The following INPP4B variants were observed in gnomAD, a reference collection of about 807,000 sequenced individuals.
INPP4B encodes inositol polyphosphate-4-phosphatase type II B.
In INPP4B, 55 loss-of-function variants were observed where a neutral mutation model predicts 122.5. The ratio of observed to expected loss-of-function variants is 0.45; its 90% CI spans 0.36 to 0.56. The LOEUF (loss-of-function observed/expected upper bound fraction) is 0.56, where lower values mean the gene tolerates loss of function less well. Ranked by LOEUF, INPP4B falls within the 20% of genes least tolerant of loss-of-function variation. INPP4B has a pLI of 0.00. For synonymous variants in INPP4B, 403 were observed against 388.7 expected, an observed-to-expected ratio of 1.04 and a Z score of -0.43; for missense variants, 1,000 against 1,097.7, an observed-to-expected ratio of 0.91 and a Z score of 1.26.
Position 142,089,437 on chromosome 4 carries a change from CCACACACACACA to C in INPP4B, c.2375-3193_2375-3182del, listed in dbSNP as rs36203495. ...ACAGAGTAGATTGTAGATGTTCTCA[CCACACACACACA>C]CACACACACACACACACACACACAC... On this transcript the variant is annotated intron_variant, in intron 23 of 25. Coordinates refer to ENST00000262992, the MANE Select transcript of INPP4B (RefSeq NM_001101669.3). Among the ~76,000 whole-genome samples the C allele has an allele frequency of 1.6e-3, 224 of 141,604 alleles. 1 individual carries two copies. The highest frequency in any genetic ancestry group is 5.4e-3 in the African/African-American group (205 of 37,784). The allele number at this position is 141,604 out of a possible 152,430, so 92.9% of individuals were successfully genotyped here.
At chr4:142,373,391 C>T (rs925097663) in intron 7 of INPP4B, among the ~76,000 whole-genome samples, 3 of 151,920 alleles carry the variant, frequency 2.0e-5, no homozygotes, top group African/African-American at 7.2e-5. Context: ...TAAAAACACT[C>T]CTTGCAAAAT....
At chr4:142,080,114 G>A (rs1406292840) in intron 25 of INPP4B, among the ~76,000 whole-genome samples, 2 of 152,054 alleles carry the variant, frequency 1.3e-5, no homozygotes, top group African/African-American at 2.4e-5. Flanking sequence ...AGGAAACTGA[G>A]AGGTACAAGA....
intron 14 of INPP4B, among the ~76,000 whole-genome samples, chr4:142,200,053 A>T (rs746420104): frequency 5.9e-5 from 9 of 151,990 alleles, no homozygotes; most frequent in Non-Finnish European, 1.5e-5. Context: ...TTTCTCTCAC[A>T]TTATTAATTA....
intron 25 of INPP4B, among the ~76,000 whole-genome samples, chr4:142,031,785 T>C (rs914474845): frequency 1.3e-5 from 2 of 152,276 alleles, no homozygotes; most frequent in South Asian, 2.1e-4. Context: ...AAATCCCTAA[T>C]TGTTAATCCC....
chr4:142,144,439 C>A (rs1809590976), intron 18 of INPP4B, among the ~76,000 whole-genome samples: 1 of 151,984 alleles, frequency 6.6e-6, no homozygotes, highest in South Asian at 2.1e-4. Context: ...CTTCTTACCT[C>A]ATTTTCTAGA....
intron 25 of INPP4B, among the ~76,000 whole-genome samples, chr4:142,037,861 G>A (rs1359188019): frequency 6.6e-6 from 1 of 152,060 alleles, no homozygotes; most frequent in Non-Finnish European, 1.5e-5. Context: ...AGAAATCACA[G>A]GATCATAGAT....
At chr4:142,297,289 TC>T (rs1255129167) in intron 9 of INPP4B, among the ~76,000 whole-genome samples, 1 of 152,198 alleles carries the variant, frequency 6.6e-6, no homozygotes, top group Non-Finnish European at 1.5e-5. Flanking sequence ...AAGCACGCCT[TC>T]CTTGGATAAT....
chr4:142,727,510 T>C (rs768251324), intron 1 of INPP4B, among the ~76,000 whole-genome samples: 29 of 152,136 alleles, frequency 1.9e-4, no homozygotes, highest in South Asian at 2.1e-4. Context: ...TATTAGATAA[T>C]ACATAGAGTT....
At chr4:142,243,775 T>A (rs1226077877) in intron 11 of INPP4B, among the ~76,000 whole-genome samples, 1 of 152,160 alleles carries the variant, frequency 6.6e-6, no homozygotes, top group Non-Finnish European at 1.5e-5. Context: ...CTTAAAATAT[T>A]CTGAATCATG....
chr4:142,778,188 T>C (rs1210143217), intron 1 of INPP4B, among the ~76,000 whole-genome samples: 1 of 152,166 alleles, frequency 6.6e-6, no homozygotes, highest in African/African-American at 2.4e-5. Context: ...ACAGATGATA[T>C]ATGTGGAAGT....
At chr4:142,771,511 G>C (rs1205830247) in intron 1 of INPP4B, among the ~76,000 whole-genome samples, 2 of 152,080 alleles carry the variant, frequency 1.3e-5, no homozygotes, top group African/African-American at 4.8e-5. Context: ...AAGAGATGAT[G>C]GTGGCTTGGA....
At chr4:142,347,526 T>C (rs1046831558) in intron 7 of INPP4B, 2 of 441,402 alleles carry the variant, frequency 4.5e-6, no homozygotes, top group Non-Finnish European at 9.1e-6. Context: ...GGTCAAAAAA[T>C]TCACAGTGAA....
chr4:142,792,540 T>C (rs1367325410), intron 1 of INPP4B, among the ~76,000 whole-genome samples: 1 of 152,034 alleles, frequency 6.6e-6, no homozygotes, highest in Non-Finnish European at 1.5e-5. Flanking sequence ...TGCCCCAAGG[T>C]CTTTTTCTTA....
At chr4:142,219,658 A>G (rs1848600047) in intron 12 of INPP4B, among the ~76,000 whole-genome samples, 1 of 152,218 alleles carries the variant, frequency 6.6e-6, no homozygotes, top group South Asian at 2.1e-4. Context: ...TAGCATTCTC[A>G]TCACATTTTA....
chr4:142,761,518 A>AT (rs1771340160), intron 1 of INPP4B, among the ~76,000 whole-genome samples: 2 of 152,132 alleles, frequency 1.3e-5, no homozygotes. Flanking sequence ...ACTGAGTCAT[A>AT]TTTTTTCTAC....
At chr4:142,257,967 A>G (rs558215521) in intron 11 of INPP4B, among the ~76,000 whole-genome samples, 50 of 152,342 alleles carry the variant, frequency 3.3e-4, no homozygotes, top group Non-Finnish European at 5.9e-4. Flanking sequence ...ACAAGGCTAC[A>G]GTAACCAAAA....
intron 7 of INPP4B, among the ~76,000 whole-genome samples, chr4:142,375,065 C>T (rs74805826): frequency 2.8e-4 from 42 of 151,818 alleles, no homozygotes; most frequent in African/African-American, 7.2e-4. Context: ...CCATCTTATA[C>T]GGTCTAATCA....
At chr4:142,333,013 AAAAAAAAAAAAAAAC>A (rs1219162019) in intron 7 of INPP4B, among the ~76,000 whole-genome samples, 1 of 147,702 alleles carries the variant, frequency 6.8e-6, no homozygotes, top group African/African-American at 2.5e-5. Context: ...TCCGTCTCAA[AAAAAAAAAAAAAAAC>A]AAAAAAAAAA....
At chr4:142,290,152 A>C (rs944663375) in intron 9 of INPP4B, among the ~76,000 whole-genome samples, 6 of 142,640 alleles carry the variant, frequency 4.2e-5, no homozygotes, top group Non-Finnish European at 9.0e-5. Flanking sequence ...TCATTTCTAT[A>C]CCACCTGGAA....
Sources: gnomAD v4.1 joint callset for allele counts (sites outside exome capture counted in the v4.1 genomes callset) on GRCh38, gnomAD v4.1.1 for gene constraint, MANE v1.5 for transcripts, NCBI Gene and HGNC (gene_info 2026-07-23, HGNC 2026-07-21) for gene names.